Variants in IFI16 observed in about 807,000 individuals in gnomAD.
IFI16 encodes gamma-interferon-inducible protein 16.
Under a neutral mutation model 68.4 loss-of-function variants are expected in IFI16, and 49 were observed. The ratio of observed to expected loss-of-function variants is 0.72; its 90% confidence interval spans 0.57 to 0.91. The LOEUF (loss-of-function observed/expected upper bound fraction) is 0.91, where lower values mean the gene tolerates loss of function less well. Among genes scored for constraint, IFI16 ranks in the 40% least tolerant of loss-of-function variants. The pLI, the probability that IFI16 is intolerant of heterozygous loss-of-function variation, is 0.00. For synonymous variants in IFI16, 307 were observed against 315.0 expected, an observed-to-expected ratio of 0.97 and a Z score of 0.27; for missense variants, 878 against 942.9, an observed-to-expected ratio of 0.93 and a Z score of 0.90.
In IFI16 at chr1:159,049,879, A is replaced by G. The variant is rs1198009492; in HGVS notation, c.1665+280A>G. On this transcript the variant is annotated intron_variant, in intron 9 of 11. Transcript: ENST00000295809. ...TTTCCCTCAATACATCATGAAAATC[A>G]TACCTTAAAGTAGAACAAGGTGGGA... Among the ~76,000 whole-genome samples, 3 of 151,598 alleles carry G rather than the reference A, an allele frequency of 2.0e-5. No individual in the cohort carries two copies. The East Asian group carries it at 5.8e-4, about 29-fold the overall frequency.
rs1653219528 is a variant in IFI16 at position 159,020,234 on chromosome 1, G to T, written c.973-107G>T. 11 of 733,232 alleles carry T rather than the reference G, an allele frequency of 1.5e-5. 1 individual carries two copies. The South Asian group carries it at 1.7e-4, about 11-fold the overall frequency. 45.4% of individuals were successfully genotyped at this position (733,232 alleles called of 1,614,324 possible). A position where few individuals can be genotyped will look rare whatever the true frequency, so the allele number is the denominator to read the frequency against. On this transcript the variant is annotated intron_variant, in intron 5 of 11. Coordinates refer to ENST00000295809, the MANE Select transcript of IFI16 (RefSeq NM_001376587.1). Reference sequence around the variant, plus strand: ...TAAGATATGTGCATATCTGTACTAGGAGTTGCTGTTGTGCATCTTGTTTAA... The same window carrying T: ...TAAGATATGTGCATATCTGTACTAGTAGTTGCTGTTGTGCATCTTGTTTAA...
At chr1:159,022,090 A>T (rs553922640) in intron 6 of IFI16, among the ~76,000 whole-genome samples, 11 of 151,660 alleles carry the variant, frequency 7.3e-5, no homozygotes, top group African/African-American at 2.7e-4. Flanking sequence ...CAGCCTCCAG[A>T]GTAGCTGGGA....
chr1:159,045,886 T>A (rs1654952122), intron 8 of IFI16, among the ~76,000 whole-genome samples: 1 of 151,258 alleles, frequency 6.6e-6, no homozygotes, highest in African/African-American at 2.4e-5. Flanking sequence ...AAATAATTAA[T>A]TTTTAACTAT....
chr1:159,012,449 C>G (rs1439309487), intron 1 of IFI16, among the ~76,000 whole-genome samples: 2 of 152,072 alleles, frequency 1.3e-5, no homozygotes, highest in Non-Finnish European at 2.9e-5. Context: ...ACTAATATTG[C>G]AAAACAAAAC....
chr1:159,037,594 A>C (rs539980786), intron 7 of IFI16, among the ~76,000 whole-genome samples: 1 of 152,190 alleles, frequency 6.6e-6, no homozygotes, highest in Non-Finnish European at 1.5e-5. Flanking sequence ...ATCAGCTACT[A>C]TATTAAAATA....
Position 159,032,330 on chromosome 1 carries a change from G to A in IFI16, c.1162-194G>A, listed in dbSNP as rs1654046824. On this transcript the variant is annotated intron_variant, in intron 6 of 11. Coordinates refer to ENST00000295809, the MANE Select transcript of IFI16 (RefSeq NM_001376587.1). Reference sequence around the variant, plus strand: ...AGATATTGAAAGATTTTAGGAAGAAGAGTACTTGATCATTCCACATTTTAG... The same window carrying A: ...AGATATTGAAAGATTTTAGGAAGAAAAGTACTTGATCATTCCACATTTTAG... 1.3e-5 allele frequency among the ~76,000 whole-genome samples: 2 copies of A among 152,082 alleles called. 1 individual carries two copies. Among genetic ancestry groups the A allele is most frequent in the South Asian group, 4.1e-4 (2 of 4,826 alleles).
chr1:159,046,610 C>T (rs1267259433), intron 8 of IFI16, among the ~76,000 whole-genome samples: 1 of 151,084 alleles, frequency 6.6e-6, no homozygotes, highest in Non-Finnish European at 1.5e-5. Context: ...TTCTCTTTTG[C>T]TCTCTCACCA....
chr1:159,054,963 A>G lies in IFI16; in HGVS notation c.*62A>G, dbSNP rs1655593853. 1.2e-6 allele frequency: 1 copy of G among 865,310 alleles called. No individual in the cohort carries two copies. The highest frequency in any genetic ancestry group is 1.7e-5 in the African/African-American group (1 of 60,134). The allele number at this position is 865,310 out of a possible 1,614,324, so 53.6% of individuals were successfully genotyped here. A position where few individuals can be genotyped will look rare whatever the true frequency, so the allele number is the denominator to read the frequency against. On this transcript the variant is annotated 3_prime_UTR_variant, in exon 12 of 12. Coordinates refer to ENST00000295809, the MANE Select transcript of IFI16 (RefSeq NM_001376587.1). ...AAGGTCTAAGTGCCTAAAAAAATGT[A>G]CATATACCTGGTTGAAATACAACAC...
intron 8 of IFI16, among the ~76,000 whole-genome samples, chr1:159,047,146 C>G (rs1557881035): frequency 6.6e-6 from 1 of 151,108 alleles, no homozygotes; most frequent in African/African-American, 2.4e-5. Context: ...TTACTATTCT[C>G]CAATGTTGTT....
intron 7 of IFI16, among the ~76,000 whole-genome samples, chr1:159,034,483 C>A (rs1464648120): frequency 6.6e-6 from 1 of 152,148 alleles, no homozygotes; most frequent in Non-Finnish European, 1.5e-5. Flanking sequence ...TATCTTTATT[C>A]CAATTACCTT....
chr1:159,013,162 C>CTTTTT (rs59743054), intron 1 of IFI16, among the ~76,000 whole-genome samples: 2 of 54,682 alleles, frequency 3.7e-5, no homozygotes, highest in Admixed American at 3.1e-4. Flanking sequence ...AAGAAGGAAG[C>CTTTTT]TTTTTTTTTT....
Position 159,051,721 on chromosome 1 carries a change from G to A in IFI16, c.1708G>A (p.Glu570Lys). 1 of 1,613,746 alleles carries A rather than the reference G, an allele frequency of 6.2e-7. No homozygotes were observed. The highest frequency in any genetic ancestry group is 1.1e-5 in the South Asian group (1 of 91,080). The change falls in exon 10 of 12, where the codon GAA (glutamate) becomes AAA (lysine). Residue 570 changes from glutamate (E) to lysine (K), a missense_variant. By Grantham distance (56) the Glu-to-Lys change is moderately conservative. Transcript: ENST00000295809. The stretch of plus-strand genomic sequence containing the variant: ...GACTGAACCTGAAGAAGTTTCCATA[G>A]AAGACAGTGCCCAGAGTGACCTCAA... ...LKTEPEEVSI[E>K]DSAQSDLKEV... is the part of the protein sequence containing the mutation.
chr1:159,036,200 T>C (rs1261835745), intron 7 of IFI16, among the ~76,000 whole-genome samples: 2 of 152,232 alleles, frequency 1.3e-5, no homozygotes, highest in Non-Finnish European at 2.9e-5. Context: ...GTATTCTTTA[T>C]GTATATTGTT....
chr1:159,004,630 G>A (rs1021866778), upstream of IFI16, among the ~76,000 whole-genome samples: 3 of 152,076 alleles, frequency 2.0e-5, no homozygotes, highest in African/African-American at 4.8e-5. Context: ...ACTTGAACCT[G>A]GGAGGCAGAG....
chr1:159,008,241 T>C (rs1012416568), upstream of IFI16, among the ~76,000 whole-genome samples: 4 of 152,334 alleles, frequency 2.6e-5, no homozygotes, highest in Middle Eastern at 6.8e-3. Flanking sequence ...ACTGTAATAA[T>C]GTAGCTACAT....
rs535019286 is a variant in IFI16 at position 159,011,018 on chromosome 1, A to G, written c.-21+857A>G. ...GTTAATTACGTTGTTCAAATTTATT[A>G]TATCATTACAGATTTTTTCACCTTG... On this transcript the variant is annotated intron_variant, in intron 1 of 11. Coordinates refer to ENST00000295809, the MANE Select transcript of IFI16 (RefSeq NM_001376587.1). Among the ~76,000 whole-genome samples the G allele has an allele frequency of 7.8e-4, 119 of 152,322 alleles. 1 individual carries two copies. The highest frequency in any genetic ancestry group is 9.8e-4 in the Admixed American group (15 of 15,302).
chr1:159,020,308 T>G, intron 5 of IFI16, 33 bp from the exon 6 acceptor site: 1 of 1,510,866 alleles, frequency 6.6e-7, no homozygotes, highest in Non-Finnish European at 9.1e-7. Context: ...TTAATTACAT[T>G]CTCAGGAACA....
At chr1:159,050,528 G>A (rs1286070849) in intron 9 of IFI16, among the ~76,000 whole-genome samples, 4 of 152,156 alleles carry the variant, frequency 2.6e-5, no homozygotes, top group Non-Finnish European at 5.9e-5. Context: ...AAGTCCATCA[G>A]AGTTAAAGCC....
At chr1:159,024,510 A>C (rs1345915864) in intron 6 of IFI16, among the ~76,000 whole-genome samples, 1 of 152,174 alleles carries the variant, frequency 6.6e-6, no homozygotes, top group African/African-American at 2.4e-5. Context: ...TTTTTTGTGG[A>C]AGTCTAACTT....
Sources: gnomAD v4.1 joint callset for allele counts (sites outside exome capture counted in the v4.1 genomes callset) on GRCh38, gnomAD v4.1.1 for gene constraint, MANE v1.5 for transcripts, NCBI Gene and HGNC (gene_info 2026-07-23, HGNC 2026-07-21) for gene names.